Variants in GAS2 observed in about 807,000 individuals in gnomAD.
The protein encoded by GAS2 is growth arrest specific 2.
A neutral mutation model predicts 37.5 loss-of-function variants in GAS2; 20 were observed. That is an observed-to-expected ratio of 0.53 (90% confidence interval 0.37 to 0.77). GAS2 has a LOEUF of 0.77. Ranked by LOEUF, GAS2 falls within the 30% of genes least tolerant of loss-of-function variation. The pLI, the probability that GAS2 is intolerant of heterozygous loss-of-function variation, is 0.00. For missense variants in GAS2, 336 were observed against 373.4 expected (o/e 0.90, Z 0.82); for synonymous variants, 144 against 132.2 (o/e 1.09, Z -0.61).
intron 7 of GAS2, among the ~76,000 whole-genome samples, chr11:22,780,002 A>C (rs779518310): frequency 1.3e-5 from 2 of 152,154 alleles, no homozygotes; most frequent in Non-Finnish European, 2.9e-5. Context: ...TTTGACCTTA[A>C]GAGTTGACTC....
chr11:22,635,094 G>A (rs957591279), intron 1 of GAS2, among the ~76,000 whole-genome samples: 1 of 152,182 alleles, frequency 6.6e-6, no homozygotes. Flanking sequence ...TGATAGTGAT[G>A]GGATTTGTGC....
intron 3 of GAS2, among the ~76,000 whole-genome samples, chr11:22,688,743 T>G (rs1250000401): frequency 6.6e-6 from 1 of 152,150 alleles, no homozygotes; most frequent in Admixed American, 6.5e-5. Flanking sequence ...TTTCTGATTG[T>G]GATAAAGGTT....
At chr11:22,688,489 G>A (rs1850078252) in intron 3 of GAS2, 1 of 151,922 alleles carries the variant, frequency 6.6e-6, no homozygotes, top group African/African-American at 2.4e-5. Flanking sequence ...GCTGCTATGT[G>A]CAAATATGTA....
chr11:22,652,987 TTCTTTG>T (rs1460738775), intron 1 of GAS2, among the ~76,000 whole-genome samples: 1 of 105,208 alleles, frequency 9.5e-6, no homozygotes, highest in African/African-American at 4.8e-5. Flanking sequence ...TTGTCTTTCT[TTCTTTG>T]TCTTTCTTTC....
intron 1 of GAS2, among the ~76,000 whole-genome samples, chr11:22,634,949 A>G (rs755019612): frequency 9.8e-5 from 15 of 152,328 alleles, no homozygotes; most frequent in Admixed American, 2.0e-4. Flanking sequence ...GATGCCCACA[A>G]TGGTGCTAAC....
chr11:22,725,381 T>C (rs1183933698), intron 3 of GAS2, among the ~76,000 whole-genome samples: 5 of 152,120 alleles, frequency 3.3e-5, no homozygotes, highest in African/African-American at 4.8e-5. Flanking sequence ...TATTATATGC[T>C]ATCGCTATAT....
At chr11:22,704,563 T>C (rs1040050717) in intron 3 of GAS2, among the ~76,000 whole-genome samples, 4 of 128,856 alleles carry the variant, frequency 3.1e-5, no homozygotes, top group African/African-American at 1.2e-4. Flanking sequence ...ATATTAAACT[T>C]CAATTAGAAG....
intron 7 of GAS2, among the ~76,000 whole-genome samples, chr11:22,797,667 C>T (rs1466905367): frequency 3.3e-5 from 5 of 152,040 alleles, no homozygotes; most frequent in African/African-American, 1.2e-4. Flanking sequence ...CCTACTGAGC[C>T]ACTGGGTAGT....
At chr11:22,718,399 G>A (rs1159474372) in intron 3 of GAS2, among the ~76,000 whole-genome samples, 2 of 151,838 alleles carry the variant, frequency 1.3e-5, no homozygotes, top group East Asian at 3.9e-4. Flanking sequence ...TATTCTAAGT[G>A]AAGTAACTCA....
intron 3 of GAS2, among the ~76,000 whole-genome samples, chr11:22,705,886 A>G (rs1851091760): frequency 6.6e-6 from 1 of 152,168 alleles, no homozygotes; most frequent in African/African-American, 2.4e-5. Context: ...TGTACAAAGG[A>G]TATTTTAGAT....
At position 22,674,959 on chromosome 11, in the gene GAS2, A is replaced by G. The variant is rs958760042; in HGVS notation, c.90A>G (p.Glu30=). 1 of 1,613,972 alleles carries G rather than the reference A, an allele frequency of 6.2e-7. No individual in the cohort carries two copies. Among genetic ancestry groups the G allele is most frequent in the Non-Finnish European group, 8.5e-7 (1 of 1,179,900 alleles). Residue 30 remains glutamate (E), a synonymous_variant, in exon 2 of 8, where the codon GAA becomes GAG. Transcript: ENST00000454584. ...QYSQWLASRH[E]ANLLPMKEDL... Reference sequence around the variant, plus strand: ...GCCAATGGCTAGCCAGCAGACATGAAGCTAATTTGCTACCAATGAAAGAAG... The same window carrying G: ...GCCAATGGCTAGCCAGCAGACATGAGGCTAATTTGCTACCAATGAAAGAAG...
intron 1 of GAS2, among the ~76,000 whole-genome samples, chr11:22,653,216 C>T (rs767280983): frequency 4.6e-5 from 7 of 151,610 alleles, no homozygotes; most frequent in Admixed American, 2.0e-4. Context: ...TAAGACTCAT[C>T]GACATTGCAG....
intron 1 of GAS2, among the ~76,000 whole-genome samples, chr11:22,636,732 T>C (rs1174194196): frequency 6.6e-6 from 1 of 151,844 alleles, no homozygotes; most frequent in African/African-American, 2.4e-5. Context: ...TGAACATTAA[T>C]TAATTTTAAG....
At chr11:22,641,230 A>G (rs200913074) in intron 1 of GAS2, among the ~76,000 whole-genome samples, 15 of 112,522 alleles carry the variant, frequency 1.3e-4, no homozygotes, top group Admixed American at 2.9e-4. Context: ...GTGTGTGTGT[A>G]TATATATATG....
chr11:22,736,783 T>C (rs1852778766), intron 4 of GAS2, among the ~76,000 whole-genome samples: 1 of 152,156 alleles, frequency 6.6e-6, no homozygotes, highest in African/African-American at 2.4e-5. Context: ...TTTTTTAGAA[T>C]ACTATGTGTC....
At chr11:22,751,161 A>G (rs1369686197) in intron 6 of GAS2, among the ~76,000 whole-genome samples, 1 of 151,912 alleles carries the variant, frequency 6.6e-6, no homozygotes, top group East Asian at 1.9e-4. Context: ...ATAGCCCTCC[A>G]TGTTCTGGCC....
intron 7 of GAS2, among the ~76,000 whole-genome samples, chr11:22,787,478 G>T (rs889033789): frequency 6.6e-6 from 1 of 151,292 alleles, no homozygotes; most frequent in Non-Finnish European, 1.5e-5. Flanking sequence ...CATAATTGTT[G>T]TGTGTATGTG....
At chr11:22,798,168 G>T (rs56012047) in intron 7 of GAS2, among the ~76,000 whole-genome samples, 5,386 of 152,070 alleles carry the variant, frequency 0.035, 139 homozygotes, top group Non-Finnish European at 0.055. Flanking sequence ...ACCACTTAGA[G>T]TTGCTCCAAG....
At chr11:22,780,909 C>T (rs888684389) in intron 7 of GAS2, among the ~76,000 whole-genome samples, 1 of 152,154 alleles carries the variant, frequency 6.6e-6, no homozygotes, top group Admixed American at 6.5e-5. Flanking sequence ...CCTTCTATGT[C>T]TGTAAATTTC....
Sources: allele counts gnomAD v4.1 joint callset (sites outside exome capture counted in the v4.1 genomes callset), GRCh38; gene constraint gnomAD v4.1.1; transcripts MANE v1.5; gene names NCBI Gene and HGNC (gene_info 2026-07-23, HGNC 2026-07-21).